Variants in AMN1 observed in about 807,000 individuals in gnomAD.
AMN1 encodes the protein protein AMN1 homolog.
A neutral mutation model predicts 33.0 loss-of-function variants in AMN1; 20 were observed. The observed-to-expected ratio is 0.61, with a 90% CI of 0.43 to 0.88. The LOEUF is 0.88. Among genes scored for constraint, AMN1 ranks in the 40% least tolerant of loss-of-function variants. The pLI is 0.00. For synonymous variants in AMN1, 114 were observed against 111.9 expected, an observed-to-expected ratio of 1.02 and a Z score of -0.12; for missense variants, 246 against 307.4, an observed-to-expected ratio of 0.80 and a Z score of 1.49.
chr12:31,691,674 C>T (rs1262878486), intron 5 of AMN1, among the ~76,000 whole-genome samples: 1 of 151,850 alleles, frequency 6.6e-6, no homozygotes, highest in Non-Finnish European at 1.5e-5. Context: ...TAAAACAAGG[C>T]TATATCTTAT....
chr12:31,714,037 TATAA>T (rs1939575247), intron 1 of AMN1, among the ~76,000 whole-genome samples: 1 of 152,054 alleles, frequency 6.6e-6, no homozygotes, highest in African/African-American at 2.4e-5. Flanking sequence ...ATTTTTAAAA[TATAA>T]ATAAAGTTCC....
At chr12:31,702,049 T>A (rs576031973) in intron 2 of AMN1, 42 bp from the exon 3 acceptor site, 1 of 1,467,304 alleles carries the variant, frequency 6.8e-7, no homozygotes, top group South Asian at 1.3e-5. Flanking sequence ...TTTCTTTCTA[T>A]AAATACAAAT....
chr12:31,684,223 C>T (rs1452980912), intron 6 of AMN1, among the ~76,000 whole-genome samples: 2 of 152,078 alleles, frequency 1.3e-5, no homozygotes, highest in African/African-American at 4.8e-5. Context: ...ACGCAAAGTT[C>T]ATTGATATGT....
At chr12:31,708,930 C>T in intron 2 of AMN1, 1 of 366,240 alleles carries the variant, frequency 2.7e-6, no homozygotes, top group Non-Finnish European at 5.4e-6. Flanking sequence ...GTAATCCCAG[C>T]ATTTTGAGAG....
At chr12:31,723,259 T>C (rs750585534) in intron 1 of AMN1, among the ~76,000 whole-genome samples, 4 of 152,168 alleles carry the variant, frequency 2.6e-5, no homozygotes, top group East Asian at 1.9e-4. Context: ...CTATTGTTAA[T>C]GTGTTACAGT....
intron 3 of AMN1, 127 bp downstream of exon 3, chr12:31,701,736 T>G: frequency 1.2e-6 from 1 of 806,396 alleles, no homozygotes; most frequent in Non-Finnish European, 1.8e-6. Context: ...ATGTTTTTAC[T>G]GATAAATATA....
At chr12:31,728,113 G>C (rs1940154653) in intron 1 of AMN1, among the ~76,000 whole-genome samples, 1 of 152,006 alleles carries the variant, frequency 6.6e-6, no homozygotes. Flanking sequence ...CTCCCACCTC[G>C]GCCTCCCAAG....
intron 6 of AMN1, among the ~76,000 whole-genome samples, chr12:31,681,893 T>C (rs1208536411): frequency 6.6e-6 from 1 of 152,080 alleles, no homozygotes; most frequent in Non-Finnish European, 1.5e-5. Flanking sequence ...CCCAGGCTGG[T>C]GTCAAACTCC....
intron 6 of AMN1, among the ~76,000 whole-genome samples, chr12:31,684,658 G>A (rs1034505540): frequency 2.6e-5 from 4 of 151,896 alleles, no homozygotes; most frequent in African/African-American, 9.7e-5. Context: ...TTTTTAGTAC[G>A]GACAGGGTTT....
intron 1 of AMN1, among the ~76,000 whole-genome samples, chr12:31,710,465 A>G (rs1381463810): frequency 1.3e-5 from 2 of 151,938 alleles, no homozygotes; most frequent in African/African-American, 2.4e-5. Flanking sequence ...TTGGTTTCCT[A>G]CACAGTTTCC....
chr12:31,717,128 C>A lies in AMN1; in HGVS notation c.39-7703G>T, dbSNP rs1439547092. 4.6e-5 allele frequency among the ~76,000 whole-genome samples: 7 copies of A among 152,214 alleles called. No homozygotes were observed. The South Asian group carries it at 1.2e-3, about 27-fold the overall frequency. Reference sequence around the variant, plus strand: ...CCCTTGCTCCCCCCAACCACAGGCCCCGGTGTGTGTTGTTCCCCTCCCTGT... The same window carrying A: ...CCCTTGCTCCCCCCAACCACAGGCCACGGTGTGTGTTGTTCCCCTCCCTGT... On this transcript the variant is annotated intron_variant, in intron 1 of 6. Transcript: ENST00000281471.
intron 3 of AMN1, among the ~76,000 whole-genome samples, chr12:31,698,552 C>T (rs903141987): frequency 3.3e-5 from 5 of 152,148 alleles, no homozygotes; most frequent in Non-Finnish European, 5.9e-5. Flanking sequence ...TCCAGTTAAG[C>T]TGATATAAGT....
intron 1 of AMN1, among the ~76,000 whole-genome samples, chr12:31,723,471 C>T (rs537659842): frequency 1.3e-5 from 2 of 152,152 alleles, no homozygotes; most frequent in South Asian, 2.1e-4. Flanking sequence ...CCACTATGCC[C>T]GGCTAAGTTT....
At chr12:31,705,286 C>T (rs940432455) in intron 2 of AMN1, among the ~76,000 whole-genome samples, 4 of 151,894 alleles carry the variant, frequency 2.6e-5, no homozygotes, top group Non-Finnish European at 5.9e-5. Context: ...TTGCTTGAGC[C>T]CAGAGGTTCA....
rs1431245610 is a variant in AMN1, at chr12:31,694,571, G to A, written c.591+2790C>T. ...AAGATCATCCTGGGCAACATGGCAA[G>A]ACCCATCTCTACAAAAAATAAAAAA... is the stretch of plus-strand genomic sequence containing the variant. On this transcript the variant is annotated intron_variant, in intron 5 of 6. Coordinates refer to ENST00000281471, the MANE Select transcript of AMN1 (RefSeq NM_001113402.2). Among the ~76,000 whole-genome samples the A allele has an allele frequency of 2.6e-5, 4 of 151,900 alleles. No homozygotes were observed. The East Asian group carries it at 7.7e-4, about 29-fold the overall frequency.
intron 5 of AMN1, among the ~76,000 whole-genome samples, chr12:31,696,231 C>T (rs1000643732): frequency 4.0e-5 from 6 of 151,054 alleles, no homozygotes; most frequent in South Asian, 2.1e-4. Context: ...AGCAAGACTC[C>T]GTCTCAAAAT....
At chr12:31,675,021 CA>C (rs61067188) in intron 6 of AMN1, among the ~76,000 whole-genome samples, 33,713 of 129,674 alleles carry the variant, frequency 0.26, 3,932 homozygotes, top group Admixed American at 0.31. Context: ...GACCCAGTGT[CA>C]AAAAAAAAAA....
chr12:31,677,473 G>A (rs1274008603), intron 6 of AMN1, among the ~76,000 whole-genome samples: 1 of 152,166 alleles, frequency 6.6e-6, no homozygotes, highest in Admixed American at 6.5e-5. Context: ...ATAGATTGTG[G>A]TTCAGATGAC....
chr12:31,672,595 TAA>T (rs544618868), intron 6 of AMN1: 35 of 312,658 alleles, frequency 1.1e-4, no homozygotes, highest in Middle Eastern at 9.6e-4. Context: ...ATTACTTGTT[TAA>T]AAAAAAAAAA....
Sources: gnomAD v4.1 joint callset for allele counts (sites outside exome capture counted in the v4.1 genomes callset) on GRCh38, gnomAD v4.1.1 for gene constraint, MANE v1.5 for transcripts, NCBI Gene and HGNC (gene_info 2026-07-23, HGNC 2026-07-21) for gene names.